RBM6: variants seen among roughly 807,000 people sequenced by gnomAD.
RBM6 encodes RNA binding motif protein 6.
In RBM6, 23 loss-of-function variants were observed where a neutral mutation model predicts 140.4. That is an observed-to-expected ratio of 0.16 (90% confidence interval 0.12 to 0.23). The LOEUF is 0.23. Ranked by LOEUF, RBM6 falls within the 10% of genes least tolerant of loss-of-function variation. The pLI, the probability that RBM6 is intolerant of heterozygous loss-of-function variation, is 1.00. For missense variants in RBM6, 1,139 were observed against 1,386.7 expected, an observed-to-expected ratio of 0.82 and a Z score of 2.84; for synonymous variants, 439 against 475.6, an observed-to-expected ratio of 0.92 and a Z score of 1.00.
intron 5 of RBM6, among the ~76,000 whole-genome samples, chr3:49,990,668 G>A (rs980392716): frequency 6.6e-5 from 10 of 151,930 alleles, no homozygotes; most frequent in Non-Finnish European, 2.9e-5. Context: ...ATCTTTTTTT[G>A]TGGGGGAAAC....
At chr3:50,011,232 A>G (rs1474121527) in intron 6 of RBM6, among the ~76,000 whole-genome samples, 1 of 151,958 alleles carries the variant, frequency 6.6e-6, no homozygotes, top group East Asian at 1.9e-4. Context: ...AAAAAAAAAA[A>G]GGCATGAAGA....
intron 8 of RBM6, among the ~76,000 whole-genome samples, chr3:50,056,336 C>G (rs894952885): frequency 2.0e-5 from 3 of 151,648 alleles, no homozygotes; most frequent in Non-Finnish European, 2.9e-5. Flanking sequence ...GCTCTGTCAC[C>G]CAGGCTGAAG....
At chr3:50,037,295 G>A (rs1023883840) in intron 6 of RBM6, among the ~76,000 whole-genome samples, 1 of 152,076 alleles carries the variant, frequency 6.6e-6, no homozygotes, top group Non-Finnish European at 1.5e-5. Context: ...CAGCTTGTCA[G>A]GAAGCTGAGG....
intron 6 of RBM6, among the ~76,000 whole-genome samples, chr3:50,046,317 C>T (rs564904717): frequency 4.0e-5 from 6 of 150,738 alleles, no homozygotes; most frequent in African/African-American, 9.7e-5. Context: ...CAGTGGCTTA[C>T]GCCTGTAATC....
Position 49,955,146 on chromosome 3 carries a change from A to AT in RBM6, c.-66-7421dup, listed in dbSNP as rs1207621450. Among the ~76,000 whole-genome samples, 12 of 66,464 alleles carry AT rather than the reference A, an allele frequency of 1.8e-4. 1 individual carries two copies. Among genetic ancestry groups the AT allele is most frequent in the Admixed American group, 4.9e-4 (3 of 6,130 alleles). The allele number at this position is 66,464 out of a possible 152,430, so 43.6% of individuals were successfully genotyped here. The stretch of plus-strand genomic sequence containing the variant: ...TTATTTATTCTTAGGGCCGCATAGT[A>AT]TTTTTTTTTCTTTCTTTTTTTTTTT... On this transcript the variant is annotated intron_variant, in intron 1 of 20. Transcript: ENST00000266022.
chr3:50,006,814 T>G (rs1355151635), intron 6 of RBM6, among the ~76,000 whole-genome samples: 1 of 151,690 alleles, frequency 6.6e-6, no homozygotes, highest in Non-Finnish European at 1.5e-5. Context: ...GCGCCTGTAG[T>G]CCCAGCTACT....
At position 49,967,987 on chromosome 3, in the gene RBM6, C is replaced by T. The variant is rs753541944; in HGVS notation, c.562C>T (p.Arg188Trp). ...CACTTATGATTTAGATTTTAGAGGC[C>T]GGGATGGATCCCATGCAGATTTTAG... is the stretch of plus-strand genomic sequence containing the variant. ...RGTYDLDFRG[R>W]DGSHADFRGR... The change falls in exon 3 of 21, where the codon CGG becomes TGG. Residue 188 changes from arginine to tryptophan, a missense_variant. Physicochemically the swap from Arg to Trp is moderately radical, Grantham distance 101. Around this residue, in one of 9 missense-constraint regions of RBM6, gnomAD observed 566 missense variants for 612.7 expected, o/e 0.92. Coordinates refer to ENST00000266022, the MANE Select transcript of RBM6 (RefSeq NM_005777.3). This position sits in a 1 kb window ranked among gnomAD's most constrained non-coding sequence, Gnocchi z 4.0. The T allele has an allele frequency of 1.2e-5, 20 of 1,613,946 alleles. No individual in the cohort carries two copies. The highest frequency in any genetic ancestry group is 1.6e-4 in the Middle Eastern group (1 of 6,084).
At chr3:50,000,026 A>G (rs1368057060) in intron 6 of RBM6, among the ~76,000 whole-genome samples, 3 of 152,138 alleles carry the variant, frequency 2.0e-5, no homozygotes, top group East Asian at 1.9e-4. Context: ...GTTGGTGTCT[A>G]TTGCATTCAT....
intron 6 of RBM6, among the ~76,000 whole-genome samples, chr3:50,038,482 A>G (rs896670036): frequency 1.3e-5 from 2 of 152,188 alleles, no homozygotes; most frequent in Non-Finnish European, 2.9e-5. Flanking sequence ...TTCCAGAAGA[A>G]AAGAGCCAGG....
intron 2 of RBM6, 55 bp downstream of exon 2, chr3:49,962,740 A>AC: frequency 2.9e-6 from 4 of 1,399,276 alleles, no homozygotes; most frequent in African/African-American, 1.5e-5. Flanking sequence ...ATAAATGTGT[A>AC]ACATTTTCGC....
At chr3:49,975,272 C>A in intron 4 of RBM6, 51 bp from the exon 5 acceptor site, 5 of 1,389,142 alleles carry the variant, frequency 3.6e-6, no homozygotes, top group South Asian at 1.2e-5. Context: ...ATCTGATATT[C>A]AGTGTTTGAT....
chr3:50,012,413 A>G (rs1208468591), intron 6 of RBM6, among the ~76,000 whole-genome samples: 1 of 151,170 alleles, frequency 6.6e-6, no homozygotes, highest in Admixed American at 6.6e-5. Context: ...GCTGGAGTGC[A>G]GTGGCGTGAT....
Position 50,066,335 on chromosome 3 carries a change from C to G in RBM6, c.2776C>G (p.Pro926Ala), listed in dbSNP as rs200639408. The change falls in exon 17 of 21, where the codon CCA (proline) becomes GCA (alanine). Residue 926 changes from proline (P) to alanine (A), a missense_variant. By Grantham distance (27) the Pro-to-Ala change is conservative (BLOSUM62 -1). Coordinates refer to ENST00000266022, the MANE Select transcript of RBM6 (RefSeq NM_005777.3). Reference sequence around the variant, plus strand: ...AGAAGAGGAGGAACAGACCCCTCCCCCACAGCCCCGCACAGCACAGCCCCA... The same window carrying G: ...AGAAGAGGAGGAACAGACCCCTCCCGCACAGCCCCGCACAGCACAGCCCCA... ...EEEEEEQTPP[P>A]QPRTAQPQKR... 186 of 1,614,078 alleles carry G rather than the reference C, an allele frequency of 1.2e-4. No homozygotes were observed. The East Asian group carries it at 3.1e-3, about 27-fold the overall frequency.
chr3:49,941,240 C>A (rs1163209190), intron 1 of RBM6, among the ~76,000 whole-genome samples: 1 of 152,108 alleles, frequency 6.6e-6, no homozygotes, highest in Non-Finnish European at 1.5e-5. Context: ...TAATATGTTA[C>A]CATTTTGGTG....
rs757627938 is a variant in RBM6 at position 49,968,151 on chromosome 3, T to A, written c.726T>A (p.Thr242=). The A allele has an allele frequency of 6.2e-7, 1 of 1,614,040 alleles. No individual in the cohort carries two copies. Among genetic ancestry groups the A allele is most frequent in the African/African-American group, 1.3e-5 (1 of 74,910 alleles). The change falls in exon 3 of 21, where the codon ACT becomes ACA. Residue 242 remains threonine, a synonymous_variant. Coordinates refer to ENST00000266022, the MANE Select transcript of RBM6 (RefSeq NM_005777.3). ...ACTTTAGAGGCCGAGGTTCAGGTACTACTGATCTAGACTTTAGGGACAGGG... is the reference window on the plus strand; with the variant it reads ...ACTTTAGAGGCCGAGGTTCAGGTACAACTGATCTAGACTTTAGGGACAGGG... ...QVDFRGRGSG[T]TDLDFRDRDT...
chr3:49,983,341 C>T (rs1037229337), intron 5 of RBM6, among the ~76,000 whole-genome samples: 1 of 152,030 alleles, frequency 6.6e-6, no homozygotes, highest in East Asian at 1.9e-4. Context: ...AAAACATGCA[C>T]AGTAGCCGAG....
rs73832793 is a variant in RBM6, at chr3:50,048,353, G to A, written c.1632+34G>A. The A allele has an allele frequency of 6.1e-3, 9,800 of 1,599,996 alleles. 541 individuals are homozygous for A. In the African/African-American group the frequency reaches 0.12, roughly 19 times the overall value. On this transcript the variant is annotated intron_variant, in intron 7 of 20. Coordinates refer to ENST00000266022, the MANE Select transcript of RBM6 (RefSeq NM_005777.3). ...CAAGAATCCCTTTCTTTAGAAGTAAGTATCTGGAATAACAGCTCCTCCATA... is the reference window on the plus strand; with the variant it reads ...CAAGAATCCCTTTCTTTAGAAGTAAATATCTGGAATAACAGCTCCTCCATA...
intron 5 of RBM6, among the ~76,000 whole-genome samples, chr3:49,993,510 C>T (rs748436925): frequency 2.0e-5 from 3 of 151,986 alleles, no homozygotes; most frequent in African/African-American, 2.4e-5. Flanking sequence ...GGCATGGTGG[C>T]GCATGCCTGT....
At chr3:50,039,006 C>T (rs1056140383) in intron 6 of RBM6, among the ~76,000 whole-genome samples, 7 of 152,026 alleles carry the variant, frequency 4.6e-5, no homozygotes, top group African/African-American at 1.7e-4. Context: ...ATTCAATTGT[C>T]AGAAAAGAAC....
Sources: allele counts gnomAD v4.1 joint callset (sites outside exome capture counted in the v4.1 genomes callset), GRCh38; gene constraint gnomAD v4.1.1; regional missense constraint gnomAD v4.1.1; non-coding constraint Gnocchi (gnomAD v3.1); transcripts MANE v1.5; gene names NCBI Gene and HGNC (gene_info 2026-07-23, HGNC 2026-07-21).